FAN1: variants seen among roughly 807,000 people sequenced by gnomAD.
FAN1 encodes the protein FANCD2 and FANCI associated nuclease 1.
A neutral mutation model predicts 104.9 loss-of-function variants in FAN1; 91 were observed. The ratio of observed to expected loss-of-function variants is 0.87; its 90% CI spans 0.73 to 1.03. FAN1 has a LOEUF of 1.03. Ranked by LOEUF, FAN1 falls within the 50% of genes least tolerant of loss-of-function variation. The probability of loss-of-function intolerance (pLI) is 0.00; values close to 1 mark genes in which losing one functional copy is unlikely to be tolerated. For synonymous variants in FAN1, 478 were observed against 457.6 expected (o/e 1.04, Z -0.57); for missense variants, 1,263 against 1,239.9 (o/e 1.02, Z -0.28).
rs773782816 is a variant in FAN1, at chr15:30,925,167, T to G, written c.2213T>G (p.Val738Gly). Residue 738 changes from valine (V) to glycine (G), a missense_variant, in exon 9 of 15, where the codon GTC (valine) becomes GGC (glycine). Transcript: ENST00000362065. ...CITEGLADPE[V>G]RTGHRLSLYQ... ...ACAGAGGGGCTGGCGGATCCGGAAG[T>G]CAGAACGGGACACCGCCTTTCACTG... 1 of 1,613,850 alleles carries G rather than the reference T, an allele frequency of 6.2e-7. No homozygotes were observed. The highest frequency in any genetic ancestry group is 8.5e-7 in the Non-Finnish European group (1 of 1,179,974).
chr15:30,924,972 C>G (rs539930354), intron 8 of FAN1, 155 bp from the exon 9 acceptor site: 5 of 730,908 alleles, frequency 6.8e-6, no homozygotes, highest in African/African-American at 5.3e-5. Flanking sequence ...AGAATAAGAT[C>G]TAAGGAAACA....
intron 14 of FAN1, chr15:30,940,100 A>G: frequency 1.0e-6 from 1 of 984,906 alleles, no homozygotes; most frequent in South Asian, 4.7e-5. Flanking sequence ...ACTTTACTAT[A>G]AAAATTTTCC....
At chr15:30,915,688 A>T (rs543562118) in intron 5 of FAN1, among the ~76,000 whole-genome samples, 1 of 152,236 alleles carries the variant, frequency 6.6e-6, no homozygotes, top group Non-Finnish European at 1.5e-5. Context: ...GCATTGAAAT[A>T]TCACACTGTG....
At position 30,905,369 on chromosome 15, in the gene FAN1, A is replaced by G. The variant is rs751203175; in HGVS notation, c.706A>G (p.Ile236Val). ...IPEHMVRGSK[I>V]MEAESQKATR... ...TGAACATATGGTAAGAGGAAGTAAA[A>G]TAATGGAAGCCGAAAGCCAAAAGGC... The change falls in exon 2 of 15, where the codon ATA becomes GTA. Residue 236 changes from isoleucine to valine, a missense_variant. Transcript: ENST00000362065. 9.9e-6 allele frequency: 16 copies of G among 1,614,060 alleles called. No individual in the cohort carries two copies. The highest frequency in any genetic ancestry group is 1.4e-5 in the Non-Finnish European group (16 of 1,179,990).
At chr15:30,910,038 C>T (rs1024155761) in intron 3 of FAN1, among the ~76,000 whole-genome samples, 1 of 152,190 alleles carries the variant, frequency 6.6e-6, no homozygotes, top group Non-Finnish European at 1.5e-5. Flanking sequence ...ATTACCAGGC[C>T]GACAGTGTAC....
intron 10 of FAN1, chr15:30,927,688 T>A: frequency 2.0e-6 from 2 of 985,558 alleles, no homozygotes; most frequent in Non-Finnish European, 2.4e-6. Context: ...GGTCAGCACC[T>A]CCTCTGGCCA....
intron 3 of FAN1, among the ~76,000 whole-genome samples, chr15:30,908,465 TGA>T (rs2062030766): frequency 6.6e-6 from 1 of 152,212 alleles, no homozygotes; most frequent in Non-Finnish European, 1.5e-5. Context: ...ACTAGAATAA[TGA>T]GAGATGGTCT....
At chr15:30,927,775 G>A in intron 10 of FAN1, 2 of 985,908 alleles carry the variant, frequency 2.0e-6, no homozygotes, top group Non-Finnish European at 2.4e-6. Context: ...GTACGGACTT[G>A]GAGGGCAGCT....
chr15:30,906,158 A>G (rs2061974382), intron 2 of FAN1, among the ~76,000 whole-genome samples: 1 of 152,228 alleles, frequency 6.6e-6, no homozygotes, highest in South Asian at 2.1e-4. Context: ...TTTTTCTTTT[A>G]TAGGTACATT....
At chr15:30,940,910 C>A (rs149134318) in intron 14 of FAN1, 4 of 1,032,462 alleles carry the variant, frequency 3.9e-6, no homozygotes, top group East Asian at 1.9e-4. Flanking sequence ...TAAAAGCAAA[C>A]TCATGATTTC....
At chr15:30,928,477 T>C in intron 10 of FAN1, 76 bp from the exon 11 acceptor site, 2 of 1,576,532 alleles carry the variant, frequency 1.3e-6, no homozygotes, top group Non-Finnish European at 1.7e-6. Context: ...GTTATGGTGG[T>C]GTTTTGGAAG....
At position 30,942,798 on chromosome 15, in the gene FAN1, G is replaced by T; in HGVS notation, c.*1236G>T. The T allele has an allele frequency of 1.5e-6, 2 of 1,296,268 alleles. No individual in the cohort carries two copies. Among genetic ancestry groups the T allele is most frequent in the Non-Finnish European group, 2.1e-6 (2 of 956,434 alleles). 80.3% of individuals were successfully genotyped at this position (1,296,268 alleles called of 1,614,324 possible). A position where few individuals can be genotyped will look rare whatever the true frequency, so the allele number is the denominator to read the frequency against. ...AACCCGCATTAGCAGTGTTACTCTT[G>T]GAAGTGCCTTTACTTTTAACGCTCT... On this transcript the variant is annotated 3_prime_UTR_variant, in exon 15 of 15. Transcript: ENST00000362065.
At position 30,941,558 on chromosome 15, in the gene FAN1, C is replaced by T. The variant is rs763421105; in HGVS notation, c.*4-8C>T. The T allele has an allele frequency of 1.2e-6, 2 of 1,603,398 alleles. No individual in the cohort carries two copies. Among genetic ancestry groups the T allele is most frequent in the Non-Finnish European group, 1.7e-6 (2 of 1,174,282 alleles). On this transcript the variant is annotated splice_region_variant and splice_polypyrimidine_tract_variant and intron_variant, in intron 14 of 14. Coordinates refer to ENST00000362065, the MANE Select transcript of FAN1 (RefSeq NM_014967.5). ...TAATGGTGTTCCTAAAATGCTTCGT[C>T]TGCACAGATTCCCTACAGGAGAAAA...
At position 30,924,972 on chromosome 15, in the gene FAN1, C is replaced by A. The variant is rs539930354; in HGVS notation, c.2173-155C>A. ...TGCATTGAAATCCTCAGAATAAGAT[C>A]TAAGGAAACAGCCTAAATCTCTAGA... On this transcript the variant is annotated intron_variant, in intron 8 of 14. Coordinates refer to ENST00000362065, the MANE Select transcript of FAN1 (RefSeq NM_014967.5). 1.5e-5 allele frequency: 11 copies of A among 731,026 alleles called. No individual in the cohort carries two copies. The South Asian group carries it at 2.1e-4, about 14-fold the overall frequency. The allele number at this position is 731,026 out of a possible 1,614,324, so 45.3% of individuals were successfully genotyped here. A position where few individuals can be genotyped will look rare whatever the true frequency, so the allele number is the denominator to read the frequency against.
At chr15:30,904,430 G>A (rs1434611390) in intron 1 of FAN1, 82 bp from the exon 2 acceptor site, 1 of 603,428 alleles carries the variant, frequency 1.7e-6, no homozygotes, top group African/African-American at 1.9e-5. Flanking sequence ...AGGAGACCTT[G>A]CTCTTAAACG....
chr15:30,925,470 C>T (rs1340166774), intron 9 of FAN1, among the ~76,000 whole-genome samples, 179 bp downstream of exon 9: 1 of 152,218 alleles, frequency 6.6e-6, no homozygotes, highest in Non-Finnish European at 1.5e-5. Flanking sequence ...GCCCTCCTCC[C>T]TGAGGAGACT....
At chr15:30,938,936 C>T in intron 14 of FAN1, 2 of 985,372 alleles carry the variant, frequency 2.0e-6, no homozygotes, top group Non-Finnish European at 2.4e-6. Flanking sequence ...ATACTGACAA[C>T]AACAAACAGT....
intron 13 of FAN1, among the ~76,000 whole-genome samples, chr15:30,932,631 T>C (rs1230538970): frequency 6.6e-6 from 1 of 152,154 alleles, no homozygotes; most frequent in Non-Finnish European, 1.5e-5. Context: ...TTCTTCTTGA[T>C]TGCGCTTTGC....
intron 6 of FAN1, 139 bp downstream of exon 6, chr15:30,918,434 C>A: frequency 2.4e-6 from 2 of 831,524 alleles, no homozygotes; most frequent in Non-Finnish European, 3.8e-6. Flanking sequence ...TTTGTGCGTG[C>A]TTTGCCTAGA....
Sources: allele counts gnomAD v4.1 joint callset (sites outside exome capture counted in the v4.1 genomes callset), GRCh38; gene constraint gnomAD v4.1.1; transcripts MANE v1.5; gene names NCBI Gene and HGNC (gene_info 2026-07-23, HGNC 2026-07-21).